AQP6: variants seen among roughly 807,000 people sequenced by gnomAD.
AQP6 encodes aquaporin-6.
AQP6 carries 14 observed loss-of-function variants against 16.3 expected under a neutral mutation model. The ratio of observed to expected loss-of-function variants is 0.86; its 90% CI spans 0.57 to 1.34. AQP6 has a LOEUF of 1.34. Ranked by LOEUF, AQP6 falls within the 40% of genes most tolerant of loss-of-function variation. The probability of loss-of-function intolerance (pLI) is 0.00; values close to 1 mark genes in which losing one functional copy is unlikely to be tolerated. For missense variants in AQP6, 331 were observed against 379.7 expected (o/e 0.87, Z 1.07); for synonymous variants, 178 against 166.8 (o/e 1.07, Z -0.52).
chr12:49,975,554 G>A lies in AQP6; in HGVS notation c.732G>A (p.Gln244=). The change falls in exon 4 of 4, where the codon CAG becomes CAA. Residue 244 remains glutamine, a synonymous_variant. Coordinates refer to ENST00000315520, the MANE Select transcript of AQP6 (RefSeq NM_001652.4). This position sits in a 1 kb window ranked among gnomAD's most constrained non-coding sequence, Gnocchi z 4.4. The part of the protein sequence containing the change: ...VLFPDTKTLA[Q]RLAILTGTVE... Reference sequence around the variant, plus strand: ...TCCCCGACACCAAGACCCTGGCGCAGCGGCTGGCTATCCTCACAGGCACCG... The same window carrying A: ...TCCCCGACACCAAGACCCTGGCGCAACGGCTGGCTATCCTCACAGGCACCG... The A allele has an allele frequency of 6.2e-7, 1 of 1,613,890 alleles. No individual in the cohort carries two copies. Among genetic ancestry groups the A allele is most frequent in the Non-Finnish European group, 8.5e-7 (1 of 1,179,900 alleles).
In AQP6 at chr12:49,976,972, G is replaced by A. The variant is rs148060886; in HGVS notation, c.*1301G>A. ...GGTTTAATAGTTAAAAGCTGCTGTA[G>A]ATTTATTCTGCCCACAACTTGGGGG... On this transcript the variant is annotated 3_prime_UTR_variant, in exon 4 of 4. Transcript: ENST00000315520. 6.4e-3 allele frequency: 4,474 copies of A among 702,308 alleles called. 21 individuals are homozygous for A. Among genetic ancestry groups the A allele is most frequent in the Non-Finnish European group, 9.3e-3 (3,586 of 384,818 alleles). The allele number at this position is 702,308 out of a possible 1,614,324, so 43.5% of individuals were successfully genotyped here. A position where few individuals can be genotyped will look rare whatever the true frequency, so the allele number is the denominator to read the frequency against.
chr12:49,975,197 G>C lies in AQP6; in HGVS notation c.643-268G>C, dbSNP rs1028160878. ...ACGGGGGAAGTGAGAGGAAAGAGGC[G>C]GGGGCGGGTGAGGAGACTGGCCCCA... On this transcript the variant is annotated intron_variant, in intron 3 of 3. Coordinates refer to ENST00000315520, the MANE Select transcript of AQP6 (RefSeq NM_001652.4). This position sits in a 1 kb window ranked among gnomAD's most constrained non-coding sequence, Gnocchi z 4.4. 5 of 1,305,848 alleles carry C rather than the reference G, an allele frequency of 3.8e-6. No homozygotes were observed. In the African/African-American group the frequency reaches 7.5e-5, roughly 20 times the overall value. 80.9% of individuals were successfully genotyped at this position (1,305,848 alleles called of 1,614,324 possible).
rs201812210 is a variant in AQP6 at position 49,973,401 on chromosome 12, C to T, written c.228C>T (p.Ala76=). ...TAMAVQVTWK[A]SGAHANPAVT... ...TGGCTGTGCAGGTCACCTGGAAGGCCAGCGGGGCCCACGCCAACCCCGCCG... is the reference window on the plus strand; with the variant it reads ...TGGCTGTGCAGGTCACCTGGAAGGCTAGCGGGGCCCACGCCAACCCCGCCG... The change falls in exon 1 of 4, where the codon GCC becomes GCT. Residue 76 remains alanine (A), a synonymous_variant. Transcript: ENST00000315520. 1.7e-5 allele frequency: 27 copies of T among 1,612,720 alleles called. No individual in the cohort carries two copies. The highest frequency in any genetic ancestry group is 6.7e-5 in the Admixed American group (4 of 60,016).
rs1207145859 is a variant in AQP6 at position 49,973,274 on chromosome 12, C to T, written c.101C>T (p.Thr34Met). 8.7e-6 allele frequency: 14 copies of T among 1,613,940 alleles called. 1 individual carries two copies. Among genetic ancestry groups the T allele is most frequent in the Admixed American group, 3.3e-5 (2 of 60,030 alleles). ...SRALFAEFLA[T>M]GLYVFFGVGS... Reference sequence around the variant, plus strand: ...GCGCTGTTTGCAGAGTTCCTGGCCACGGGGCTGTATGTGTTCTTTGGCGTG... The same window carrying T: ...GCGCTGTTTGCAGAGTTCCTGGCCATGGGGCTGTATGTGTTCTTTGGCGTG... Residue 34 changes from threonine to methionine, a missense_variant, in exon 1 of 4, where the codon ACG (threonine) becomes ATG (methionine). Coordinates refer to ENST00000315520, the MANE Select transcript of AQP6 (RefSeq NM_001652.4).
rs1166129645 is a variant in AQP6, at chr12:49,972,983, A to T, written c.-191A>T. On this transcript the variant is annotated 5_prime_UTR_variant, in exon 1 of 4. Coordinates refer to ENST00000315520, the MANE Select transcript of AQP6 (RefSeq NM_001652.4). ...TAAGCCCATCCGCCTGCGCCCTGCC[A>T]GTCTGACCAGCACAGTCCTGGGGAC... 1.3e-6 allele frequency: 1 copy of T among 766,754 alleles called. No homozygotes were observed. Among genetic ancestry groups the T allele is most frequent in the Non-Finnish European group, 2.0e-6 (1 of 495,032 alleles). 47.5% of individuals were successfully genotyped at this position (766,754 alleles called of 1,614,324 possible).
chr12:49,973,961 C>A, intron 1 of AQP6: 1 of 1,156,772 alleles, frequency 8.6e-7, no homozygotes, highest in East Asian at 4.3e-5. Context: ...CCAAGTTCTT[C>A]CCTCCACCTC....
rs1338339450 is a variant in AQP6 at position 49,976,428 on chromosome 12, G to A, written c.*757G>A. 6.6e-6 allele frequency: 1 copy of A among 152,282 alleles called. No individual in the cohort carries two copies. The highest frequency in any genetic ancestry group is 2.1e-4 in the South Asian group (1 of 4,834). The allele number at this position is 152,282 out of a possible 1,614,324, so 9.4% of individuals were successfully genotyped here. Reference sequence around the variant, plus strand: ...TTTTTGTATTTTTAGTAGAGATGGGGTTTCATCATATTGGTCAGGGTGGTC... The same window carrying A: ...TTTTTGTATTTTTAGTAGAGATGGGATTTCATCATATTGGTCAGGGTGGTC... On this transcript the variant is annotated 3_prime_UTR_variant, in exon 4 of 4. Coordinates refer to ENST00000315520, the MANE Select transcript of AQP6 (RefSeq NM_001652.4).
At position 49,974,410 on chromosome 12, in the gene AQP6, C is replaced by A. The variant is rs374255235; in HGVS notation, c.489C>A (p.Thr163=). The A allele has an allele frequency of 6.2e-7, 1 of 1,613,726 alleles. No homozygotes were observed. The highest frequency in any genetic ancestry group is 8.5e-7 in the Non-Finnish European group (1 of 1,179,838). The change falls in exon 2 of 4, where the codon ACC becomes ACA. Residue 163 remains threonine, a synonymous_variant. Coordinates refer to ENST00000315520, the MANE Select transcript of AQP6 (RefSeq NM_001652.4). ...TGGTGCTCTGTGTCTTCGCTTCCAC[C>A]GACAGCCGTCAGACATCAGGCTCCC... ...LQLVLCVFAS[T]DSRQTSGSPA... is the part of the protein sequence containing the mutation.
At chr12:49,973,826 A>T (rs1592827654) in intron 1 of AQP6, 3 of 1,164,074 alleles carry the variant, frequency 2.6e-6, no homozygotes, top group South Asian at 4.1e-5. Context: ...AAGGAATAGA[A>T]GGACCAGGCG....
rs1198457960 is a variant in AQP6, at chr12:49,976,282, T to TG, written c.*613dup. 6.6e-6 allele frequency: 1 copy of TG among 152,546 alleles called. No homozygotes were observed. Among genetic ancestry groups the TG allele is most frequent in the Non-Finnish European group, 1.5e-5 (1 of 68,320 alleles). 9.4% of individuals were successfully genotyped at this position (152,546 alleles called of 1,614,324 possible). On this transcript the variant is annotated 3_prime_UTR_variant, in exon 4 of 4. Transcript: ENST00000315520. The stretch of plus-strand genomic sequence containing the variant: ...CAGAATCTTGATCTGTTACCCAGGC[T>TG]GGAGTGCAGTGGCATGATCTCGGCT...
Position 49,975,785 on chromosome 12 carries a change from G to A in AQP6, c.*114G>A. The A allele has an allele frequency of 7.4e-7, 1 of 1,355,084 alleles. No homozygotes were observed. The highest frequency in any genetic ancestry group is 2.7e-5 in the East Asian group (1 of 37,298). The allele number at this position is 1,355,084 out of a possible 1,614,324, so 83.9% of individuals were successfully genotyped here. A position where few individuals can be genotyped will look rare whatever the true frequency, so the allele number is the denominator to read the frequency against. On this transcript the variant is annotated 3_prime_UTR_variant, in exon 4 of 4. Coordinates refer to ENST00000315520, the MANE Select transcript of AQP6 (RefSeq NM_001652.4). This position sits in a 1 kb window ranked among gnomAD's most constrained non-coding sequence, Gnocchi z 4.4. Reference sequence around the variant, plus strand: ...TTGACCTTTTGTCCTGACCAGGTGGGCTGGAGGGGACAAGCCCTATCCCTG... The same window carrying A: ...TTGACCTTTTGTCCTGACCAGGTGGACTGGAGGGGACAAGCCCTATCCCTG...
At chr12:49,974,869 G>A in intron 3 of AQP6, 43 bp downstream of exon 3, 2 of 1,608,982 alleles carry the variant, frequency 1.2e-6, no homozygotes, top group Non-Finnish European at 1.7e-6. Flanking sequence ...AAGGGAGCCT[G>A]AGTTGCCTGT....
Position 49,975,529 on chromosome 12 carries a change from T to C in AQP6, c.707T>C (p.Phe236Ser). The C allele has an allele frequency of 6.2e-7, 1 of 1,613,462 alleles. No homozygotes were observed. The highest frequency in any genetic ancestry group is 8.5e-7 in the Non-Finnish European group (1 of 1,179,786). ...TCACTGATCTACAACTTCGTCCTGT[T>C]CCCCGACACCAAGACCCTGGCGCAG... ...LASLIYNFVL[F>S]PDTKTLAQRL... The change falls in exon 4 of 4, where the codon TTC becomes TCC. Residue 236 changes from phenylalanine to serine, a missense_variant. By Grantham distance (155) the Phe-to-Ser change is radical. Transcript: ENST00000315520. This position sits in a 1 kb window ranked among gnomAD's most constrained non-coding sequence, Gnocchi z 4.4.
At chr12:49,974,931 T>C in intron 3 of AQP6, 105 bp downstream of exon 3, 1 of 1,497,486 alleles carries the variant, frequency 6.7e-7, no homozygotes. Flanking sequence ...CCAGGGTGAA[T>C]GTCTTGGCTG....
rs933563407 is a variant in AQP6 at position 49,975,979 on chromosome 12, T to G, written c.*308T>G. 6 of 243,508 alleles carry G rather than the reference T, an allele frequency of 2.5e-5. No homozygotes were observed. Among genetic ancestry groups the G allele is most frequent in the African/African-American group, 1.1e-4 (5 of 44,690 alleles). The allele number at this position is 243,508 out of a possible 1,614,324, so 15.1% of individuals were successfully genotyped here. A position where few individuals can be genotyped will look rare whatever the true frequency, so the allele number is the denominator to read the frequency against. Reference sequence around the variant, plus strand: ...GGAGTCCTGACCCCAGATGCCCAAGTCTTGGGGGAGAAAGGAATGGGAGCC... The same window carrying G: ...GGAGTCCTGACCCCAGATGCCCAAGGCTTGGGGGAGAAAGGAATGGGAGCC... On this transcript the variant is annotated 3_prime_UTR_variant, in exon 4 of 4. Transcript: ENST00000315520. This position sits in a 1 kb window ranked among gnomAD's most constrained non-coding sequence, Gnocchi z 4.4.
rs1346755089 is a variant in AQP6 at position 49,977,047 on chromosome 12, C to T, written c.*1376C>T. 2.9e-6 allele frequency: 2 copies of T among 701,324 alleles called. No homozygotes were observed. Among genetic ancestry groups the T allele is most frequent in the South Asian group, 1.5e-5 (1 of 67,252 alleles). 43.4% of individuals were successfully genotyped at this position (701,324 alleles called of 1,614,324 possible). A position where few individuals can be genotyped will look rare whatever the true frequency, so the allele number is the denominator to read the frequency against. The stretch of plus-strand genomic sequence containing the variant: ...AGCTGTAAAATGGACACACAATCCT[C>T]CTCCAGGGACTGCTGTGAAATCAAG... On this transcript the variant is annotated 3_prime_UTR_variant, in exon 4 of 4. Transcript: ENST00000315520.
Position 49,976,974 on chromosome 12 carries a change from T to C in AQP6, c.*1303T>C. ...TTTAATAGTTAAAAGCTGCTGTAGA[T>C]TTATTCTGCCCACAACTTGGGGGTC... On this transcript the variant is annotated 3_prime_UTR_variant, in exon 4 of 4. Transcript: ENST00000315520. The C allele has an allele frequency of 2.8e-6, 2 of 702,332 alleles. No individual in the cohort carries two copies. The allele number at this position is 702,332 out of a possible 1,614,324, so 43.5% of individuals were successfully genotyped here.
intron 1 of AQP6, 30 bp from the exon 2 acceptor site, chr12:49,974,294 G>C: frequency 6.7e-7 from 1 of 1,502,496 alleles, no homozygotes; most frequent in Non-Finnish European, 8.9e-7. Flanking sequence ...CAGAGCCCGC[G>C]TCTGGTCCAG....
At chr12:49,974,701 C>G (rs1338745061) in intron 2 of AQP6, 45 bp from the exon 3 acceptor site, 1 of 1,602,070 alleles carries the variant, frequency 6.2e-7, no homozygotes, top group Non-Finnish European at 8.5e-7. Context: ...CCTCTCAGGC[C>G]TGCCTTAAAC....
Sources: gnomAD v4.1 joint callset for allele counts on GRCh38, gnomAD v4.1.1 for gene constraint, Gnocchi (gnomAD v3.1) non-coding constraint, MANE v1.5 for transcripts, NCBI Gene and HGNC (gene_info 2026-07-23, HGNC 2026-07-21) for gene names.